Variants in CFAP44 observed in about 807,000 individuals in gnomAD.
CFAP44 encodes cilia and flagella associated protein 44, also known as cilia- and flagella-associated protein 44.
A neutral mutation model predicts 216.2 loss-of-function variants in CFAP44; 134 were observed. The observed-to-expected ratio is 0.62, with a 90% CI of 0.54 to 0.72. The LOEUF is 0.72. CFAP44 is among the 30% of genes least tolerant of loss of function. The pLI, the probability that CFAP44 is intolerant of heterozygous loss-of-function variation, is 0.00. For synonymous variants in CFAP44, 700 were observed against 727.6 expected (o/e 0.96, Z 0.61); for missense variants, 2,035 against 2,182.1 (o/e 0.93, Z 1.34).
At chr3:113,392,337 C>T (rs1933865297) in intron 15 of CFAP44, among the ~76,000 whole-genome samples, 1 of 149,276 alleles carries the variant, frequency 6.7e-6, no homozygotes, top group African/African-American at 2.5e-5. Flanking sequence ...TACTTGTGAG[C>T]TAACAATTAA....
Position 113,287,747 on chromosome 3 carries a change from T to G in CFAP44, c.*3810A>C, listed in dbSNP as rs962279332. ...GACTTGAGATGAAGTTTAGGTCATA[T>G]TGAAGAAATAGAACTAATCTTTTTT... is the stretch of plus-strand genomic sequence containing the variant. On this transcript the variant is annotated 3_prime_UTR_variant, in exon 35 of 35. Coordinates refer to ENST00000393845, the MANE Select transcript of CFAP44 (RefSeq NM_001164496.2). 6.6e-6 allele frequency: 1 copy of G among 152,260 alleles called. No individual in the cohort carries two copies. The highest frequency in any genetic ancestry group is 2.4e-5 in the African/African-American group (1 of 41,464). The allele number at this position is 152,260 out of a possible 1,614,324, so 9.4% of individuals were successfully genotyped here. A position where few individuals can be genotyped will look rare whatever the true frequency, so the allele number is the denominator to read the frequency against.
At chr3:113,343,465 TTCA>T (rs1324230226) in intron 23 of CFAP44, among the ~76,000 whole-genome samples, 2 of 152,198 alleles carry the variant, frequency 1.3e-5, no homozygotes, top group Non-Finnish European at 2.9e-5. Flanking sequence ...AAATAACCAT[TTCA>T]TCATATTTCA....
rs543152828 is a variant in CFAP44 at position 113,422,762 on chromosome 3, T to C, written c.408-2583A>G. 7.0e-4 allele frequency among the ~76,000 whole-genome samples: 106 copies of C among 152,312 alleles called. 1 individual carries two copies. Among genetic ancestry groups the C allele is most frequent in the African/African-American group, 2.5e-3 (103 of 41,576 alleles). ...GAAGGCTAAAGCATGTTAGTAGCTA[T>C]GAGAATAGAAATTGGTTACCATCTC... is the stretch of plus-strand genomic sequence containing the variant. On this transcript the variant is annotated intron_variant, in intron 4 of 34. Coordinates refer to ENST00000393845, the MANE Select transcript of CFAP44 (RefSeq NM_001164496.2).
In CFAP44 at chr3:113,375,342, T is replaced by C. The variant is rs151015917; in HGVS notation, c.2299-1786A>G. ...GGTTAAGATGGTCAATTTTATGTTA[T>C]ATGTCTTTTACTTCAATAAAAAGCA... On this transcript the variant is annotated intron_variant, in intron 17 of 34. Coordinates refer to ENST00000393845, the MANE Select transcript of CFAP44 (RefSeq NM_001164496.2). 2.8e-3 allele frequency among the ~76,000 whole-genome samples: 420 copies of C among 152,320 alleles called. 3 individuals carry two copies. The highest frequency in any genetic ancestry group is 0.014 in the Middle Eastern group (4 of 294).
chr3:113,293,416 G>A (rs1371910312), intron 34 of CFAP44, among the ~76,000 whole-genome samples: 1 of 152,216 alleles, frequency 6.6e-6, no homozygotes, highest in East Asian at 1.9e-4. Flanking sequence ...CAGCTCCTCT[G>A]AGCTTTAGAA....
intron 18 of CFAP44, among the ~76,000 whole-genome samples, chr3:113,372,987 A>G (rs1014750017): frequency 1.3e-5 from 2 of 152,136 alleles, no homozygotes; most frequent in Admixed American, 1.3e-4. Context: ...AAGAATAGAG[A>G]AAAAAGGCCA....
At chr3:113,415,268 T>C (rs916125646) in intron 6 of CFAP44, among the ~76,000 whole-genome samples, 1 of 152,284 alleles carries the variant, frequency 6.6e-6, no homozygotes, top group Middle Eastern at 3.4e-3. Flanking sequence ...TCCTTATTAG[T>C]CTAGCTAGTG....
chr3:113,324,213 G>A (rs1950170519), intron 28 of CFAP44, among the ~76,000 whole-genome samples: 2 of 151,966 alleles, frequency 1.3e-5, no homozygotes, highest in South Asian at 2.1e-4. Flanking sequence ...TTCCATGCAA[G>A]ATCTTCCAGA....
rs181711211 is a variant in CFAP44 at position 113,290,252 on chromosome 3, T to C, written c.*1305A>G. 6.6e-6 allele frequency: 1 copy of C among 152,142 alleles called. No homozygotes were observed. Among genetic ancestry groups the C allele is most frequent in the East Asian group, 1.9e-4 (1 of 5,180 alleles). 9.4% of individuals were successfully genotyped at this position (152,142 alleles called of 1,614,324 possible). ...TACATCAGAAATTAATGGTGACAAG[T>C]GCAAACAATAAGGTATTCTGACCTC... On this transcript the variant is annotated 3_prime_UTR_variant, in exon 35 of 35. Coordinates refer to ENST00000393845, the MANE Select transcript of CFAP44 (RefSeq NM_001164496.2).
intron 1 of CFAP44, among the ~76,000 whole-genome samples, chr3:113,436,236 G>GTT (rs34231690): frequency 6.8e-5 from 10 of 146,902 alleles, no homozygotes; most frequent in African/African-American, 2.5e-4. Context: ...GTGAGTAACT[G>GTT]TTTTTTTTTT....
chr3:113,331,418 C>T (rs1444787514), intron 25 of CFAP44, among the ~76,000 whole-genome samples: 1 of 151,968 alleles, frequency 6.6e-6, no homozygotes, highest in East Asian at 1.9e-4. Flanking sequence ...ACTAGATTGT[C>T]CAAAGGCCAT....
chr3:113,410,988 A>G (rs1559940373), intron 6 of CFAP44, among the ~76,000 whole-genome samples: 2 of 151,866 alleles, frequency 1.3e-5, no homozygotes. Flanking sequence ...CCACTTTTTG[A>G]TGGGGTTGTT....
intron 32 of CFAP44, among the ~76,000 whole-genome samples, 178 bp downstream of exon 32, chr3:113,303,738 C>T (rs77632728): frequency 0.029 from 4,409 of 152,098 alleles, 199 homozygotes; most frequent in African/African-American, 0.09. Flanking sequence ...AACAGGAAAG[C>T]GAGCTTTTCA....
In CFAP44 at chr3:113,305,186, A is replaced by C. The variant is rs184012346; in HGVS notation, c.4759-34T>G. The C allele has an allele frequency of 1.5e-5, 22 of 1,504,782 alleles. No homozygotes were observed. The Admixed American group carries it at 3.9e-4, about 27-fold the overall frequency. The allele number at this position is 1,504,782 out of a possible 1,614,324, so 93.2% of individuals were successfully genotyped here. ...AGCCCCGTGTTGTGAAATGGTGACA[A>C]GACTCAATAAACATACATCTAAAGA... On this transcript the variant is annotated intron_variant, in intron 30 of 34. Coordinates refer to ENST00000393845, the MANE Select transcript of CFAP44 (RefSeq NM_001164496.2).
chr3:113,385,532 C>T (rs73237104), intron 15 of CFAP44, among the ~76,000 whole-genome samples: 28,123 of 152,024 alleles, frequency 0.18, 3,138 homozygotes, highest in East Asian at 0.42. Flanking sequence ...GAGAAAGTTC[C>T]ATATCACTTG....
At chr3:113,321,034 C>G (rs1433650912) in intron 28 of CFAP44, among the ~76,000 whole-genome samples, 1 of 152,098 alleles carries the variant, frequency 6.6e-6, no homozygotes, top group African/African-American at 2.4e-5. Flanking sequence ...CCAGCATCAG[C>G]CTAATATCAA....
intron 28 of CFAP44, among the ~76,000 whole-genome samples, chr3:113,312,440 ATGACAATG>A (rs1267040968): frequency 6.6e-6 from 1 of 152,044 alleles, no homozygotes; most frequent in African/African-American, 2.4e-5. Flanking sequence ...AATTTGCAGC[ATGACAATG>A]TGATAGAAAA....
chr3:113,339,680 AC>A (rs1439021100), intron 24 of CFAP44, among the ~76,000 whole-genome samples: 2 of 152,094 alleles, frequency 1.3e-5, no homozygotes, highest in East Asian at 3.9e-4. Flanking sequence ...TAGGGCCTCA[AC>A]CTGAAGCTTG....
chr3:113,395,627 C>A, intron 15 of CFAP44, 123 bp downstream of exon 15: 1 of 766,108 alleles, frequency 1.3e-6, no homozygotes, highest in Non-Finnish European at 2.1e-6. Context: ...TTGCCGCATC[C>A]CTGACCCTCA....
Sources: gnomAD v4.1 joint callset for allele counts (sites outside exome capture counted in the v4.1 genomes callset) on GRCh38, gnomAD v4.1.1 for gene constraint, MANE v1.5 for transcripts, NCBI Gene and HGNC (gene_info 2026-07-23, HGNC 2026-07-21) for gene names.